Variants in GRIA4 observed in about 807,000 individuals in gnomAD.
GRIA4 encodes glutamate receptor 4.
In GRIA4, 34 loss-of-function variants were observed where a neutral mutation model predicts 104.0. That is an observed-to-expected ratio of 0.33 (90% confidence interval 0.25 to 0.44). GRIA4 has a LOEUF of 0.44. Ranked by LOEUF, GRIA4 falls within the 20% of genes least tolerant of loss-of-function variation. The probability of loss-of-function intolerance (pLI) is 1.00; values close to 1 mark genes in which losing one functional copy is unlikely to be tolerated. For synonymous variants in GRIA4, 386 were observed against 381.9 expected (o/e 1.01, Z -0.13); for missense variants, 750 against 1,096.5 (o/e 0.68, Z 4.46).
chr11:105,752,914 T>C, intron 3 of GRIA4, 67 bp from the exon 4 acceptor site: 2 of 1,450,960 alleles, frequency 1.4e-6, no homozygotes, highest in Non-Finnish European at 9.6e-7. Flanking sequence ...TTTTCTAGAA[T>C]GTAGACTTCA....
chr11:105,950,750 G>A (rs1024948841), intron 14 of GRIA4, among the ~76,000 whole-genome samples: 5 of 152,126 alleles, frequency 3.3e-5, no homozygotes, highest in African/African-American at 1.2e-4. Flanking sequence ...TAGCCTGAGA[G>A]AACTGAAATT....
chr11:105,921,306 GGTGTGTGTGTGTGTGTGTGTGTGTGTGT>G (rs5794436), intron 11 of GRIA4, among the ~76,000 whole-genome samples: 1 of 138,850 alleles, frequency 7.2e-6, no homozygotes, highest in East Asian at 2.2e-4. Context: ...ACCACACTTG[GGTGTGTGTGTGTGTGTGTGTGTGTGTGT>G]GTGTGTGTGT....
At chr11:105,683,073 T>A (rs1952761875) in intron 3 of GRIA4, among the ~76,000 whole-genome samples, 1 of 152,148 alleles carries the variant, frequency 6.6e-6, no homozygotes, top group Non-Finnish European at 1.5e-5. Context: ...GTCTTAGAAC[T>A]CTAAAAAATA....
In GRIA4 at chr11:105,754,832, G is replaced by A. The variant is rs376634842; in HGVS notation, c.487+1612G>A. The stretch of plus-strand genomic sequence containing the variant: ...AATGTTTTGCTCACATTACTGCTAC[G>A]GAAGCTTGTGGTATTATTTTAGAGG... On this transcript the variant is annotated intron_variant, in intron 4 of 16. Transcript: ENST00000282499. 7.9e-5 allele frequency among the ~76,000 whole-genome samples: 12 copies of A among 152,192 alleles called. No individual in the cohort carries two copies. In the East Asian group the frequency reaches 1.2e-3, roughly 15 times the overall value.
Position 105,809,944 on chromosome 11 carries a change from A to G in GRIA4, c.488-52080A>G, listed in dbSNP as rs567072646. 1.2e-3 allele frequency among the ~76,000 whole-genome samples: 189 copies of G among 151,918 alleles called. 2 individuals carry two copies. The highest frequency in any genetic ancestry group is 3.5e-4 in the Non-Finnish European group (24 of 67,956). ...TTTGGGAGCCACCATTCTTTTCACT[A>G]CCTCCACAAGATCATTTTTTTTAAA... is the stretch of plus-strand genomic sequence containing the variant. On this transcript the variant is annotated intron_variant, in intron 4 of 16. Coordinates refer to ENST00000282499, the MANE Select transcript of GRIA4 (RefSeq NM_000829.4).
intron 14 of GRIA4, among the ~76,000 whole-genome samples, chr11:105,957,098 A>C (rs1948609242): frequency 6.6e-6 from 1 of 152,110 alleles, no homozygotes; most frequent in African/African-American, 2.4e-5. Context: ...TGCTGTGCAG[A>C]AGCTCTTTAG....
intron 4 of GRIA4, among the ~76,000 whole-genome samples, chr11:105,835,561 TTTTC>T (rs563841437): frequency 2.0e-5 from 3 of 152,076 alleles, no homozygotes; most frequent in East Asian, 1.9e-4. Flanking sequence ...TGTGTGTGTG[TTTTC>T]TTTCTTTTTC....
intron 4 of GRIA4, among the ~76,000 whole-genome samples, chr11:105,800,092 AC>A (rs1234106824): frequency 6.6e-6 from 1 of 152,130 alleles, no homozygotes; most frequent in Non-Finnish European, 1.5e-5. Context: ...GAAAGATAGA[AC>A]AAAAAAAGTA....
intron 4 of GRIA4, among the ~76,000 whole-genome samples, chr11:105,827,038 C>T (rs1464051583): frequency 6.6e-6 from 1 of 151,950 alleles, no homozygotes; most frequent in Non-Finnish European, 1.5e-5. Flanking sequence ...CTTGTGAGAC[C>T]TTCATCCTTC....
chr11:105,843,246 T>C (rs1256412270), intron 4 of GRIA4, among the ~76,000 whole-genome samples: 2 of 152,234 alleles, frequency 1.3e-5, no homozygotes, highest in Non-Finnish European at 2.9e-5. Flanking sequence ...AAAAATGCTT[T>C]GATTCAACAT....
At chr11:105,655,031 G>A (rs561401352) in intron 3 of GRIA4, among the ~76,000 whole-genome samples, 5 of 152,236 alleles carry the variant, frequency 3.3e-5, no homozygotes, top group African/African-American at 7.2e-5. Flanking sequence ...GCAACCAGGA[G>A]AAGGAAAACC....
intron 4 of GRIA4, among the ~76,000 whole-genome samples, chr11:105,794,617 G>T (rs3016232): frequency 0.44 from 63,172 of 143,214 alleles, 14,120 homozygotes; most frequent in Middle Eastern, 0.48. Context: ...TATATATATA[G>T]AGAGAGAGAG....
intron 3 of GRIA4, among the ~76,000 whole-genome samples, chr11:105,672,930 T>C (rs2135443023): frequency 6.6e-6 from 1 of 152,252 alleles, no homozygotes; most frequent in East Asian, 1.9e-4. Flanking sequence ...TTTAAAATTT[T>C]ATTTTTAGAA....
chr11:105,939,945 T>C (rs1948141528), intron 14 of GRIA4, among the ~76,000 whole-genome samples: 1 of 152,156 alleles, frequency 6.6e-6, no homozygotes, highest in South Asian at 2.1e-4. Flanking sequence ...ACCTTAACTC[T>C]TACATTCACT....
chr11:105,747,775 A>G (rs1468003393), intron 3 of GRIA4, among the ~76,000 whole-genome samples: 2 of 152,198 alleles, frequency 1.3e-5, no homozygotes, highest in Non-Finnish European at 2.9e-5. Context: ...CTAGCAATAT[A>G]TCCTAATGAA....
At chr11:105,782,702 G>C (rs1941782031) in intron 4 of GRIA4, among the ~76,000 whole-genome samples, 1 of 152,090 alleles carries the variant, frequency 6.6e-6, no homozygotes, top group Non-Finnish European at 1.5e-5. Flanking sequence ...CACTATTATA[G>C]GTAAATTTTT....
chr11:105,762,829 T>G (rs1343223199), intron 4 of GRIA4, among the ~76,000 whole-genome samples: 2 of 152,244 alleles, frequency 1.3e-5, no homozygotes, highest in Non-Finnish European at 2.9e-5. Context: ...GTGAGTCAAT[T>G]AAACCCCTTT....
At chr11:105,662,628 T>A (rs1279980562) in intron 3 of GRIA4, among the ~76,000 whole-genome samples, 1 of 151,976 alleles carries the variant, frequency 6.6e-6, no homozygotes, top group African/African-American at 2.4e-5. Context: ...TGGTTTTACT[T>A]CTTTACTCAT....
In GRIA4 at chr11:105,905,223, T is replaced by C. The variant is rs1947001111; in HGVS notation, c.1080T>C (p.Asn360=). ...TTCGAATTCAAGGGCTGACAGGGAA[T>C]GTTCAGTTTGACCACTATGGACGTA... ...KQVRIQGLTG[N]VQFDHYGRRV... The change falls in exon 9 of 17, where the codon AAT becomes AAC. Residue 360 remains asparagine, a synonymous_variant. Coordinates refer to ENST00000282499, the MANE Select transcript of GRIA4 (RefSeq NM_000829.4). 4 of 1,607,048 alleles carry C rather than the reference T, an allele frequency of 2.5e-6. No individual in the cohort carries two copies. Among genetic ancestry groups the C allele is most frequent in the Non-Finnish European group, 2.6e-6 (3 of 1,173,614 alleles).
Sources: allele counts gnomAD v4.1 joint callset (sites outside exome capture counted in the v4.1 genomes callset), GRCh38; gene constraint gnomAD v4.1.1; transcripts MANE v1.5; gene names NCBI Gene and HGNC (gene_info 2026-07-23, HGNC 2026-07-21).